The following DNAH9 variants were observed in gnomAD, a reference collection of about 807,000 sequenced individuals.
The protein encoded by DNAH9 is dynein axonemal heavy chain 9, also known as DNAH9 variant protein.
In DNAH9, 345 loss-of-function variants were observed where a neutral mutation model predicts 471.6. That is an observed-to-expected ratio of 0.73 (90% CI 0.67 to 0.80). DNAH9 has a LOEUF of 0.80. Among genes scored for constraint, DNAH9 ranks in the 30% least tolerant of loss-of-function variants. The pLI, the probability that DNAH9 is intolerant of heterozygous loss-of-function variation, is 0.00. For synonymous variants in DNAH9, 2,093 were observed against 2,123.6 expected, an observed-to-expected ratio of 0.99 and a Z score of 0.40; for missense variants, 5,407 against 5,609.2, an observed-to-expected ratio of 0.96 and a Z score of 1.15.
At chr17:11,946,552 C>T (rs373455737) in intron 67 of DNAH9, among the ~76,000 whole-genome samples, 2 of 148,000 alleles carry the variant, frequency 1.4e-5, no homozygotes, top group Non-Finnish European at 3.0e-5. Context: ...TAGTCCCAGC[C>T]ACTCGGGAGG....
At chr17:11,608,671 G>C (rs2072561137) in intron 2 of DNAH9, among the ~76,000 whole-genome samples, 1 of 152,144 alleles carries the variant, frequency 6.6e-6, no homozygotes, top group African/African-American at 2.4e-5. Flanking sequence ...GTCCAGTCTG[G>C]GAGGCAGGCA....
chr17:11,790,665 TATA>T (rs979227964), intron 41 of DNAH9, among the ~76,000 whole-genome samples: 7 of 152,022 alleles, frequency 4.6e-5, no homozygotes, highest in East Asian at 1.9e-4. Context: ...TGTTATTTTA[TATA>T]ATAATATATT....
chr17:11,796,219 C>A (rs951102491), intron 42 of DNAH9, among the ~76,000 whole-genome samples: 1 of 152,172 alleles, frequency 6.6e-6, no homozygotes, highest in Non-Finnish European at 1.5e-5. Flanking sequence ...AGAACTGATT[C>A]CCAGGACATT....
In DNAH9 at chr17:11,875,068, C is replaced by T; in HGVS notation, c.10362C>T (p.Thr3454=). 6.2e-7 allele frequency: 1 copy of T among 1,614,126 alleles called. No individual in the cohort carries two copies. Among genetic ancestry groups the T allele is most frequent in the Non-Finnish European group, 8.5e-7 (1 of 1,180,024 alleles). ...PADRMSVENA[T]ILINCERWPL... is the part of the protein sequence containing the mutation. ...ACCGCATGTCCGTGGAGAATGCCAC[C>T]ATTCTCATCAACTGTGAGCGCTGGC... The change falls in exon 53 of 69, where the codon ACC becomes ACT. Residue 3454 remains threonine (T), a synonymous_variant. Transcript: ENST00000262442.
chr17:11,606,768 A>G (rs1406287639), intron 1 of DNAH9, among the ~76,000 whole-genome samples: 1 of 152,104 alleles, frequency 6.6e-6, no homozygotes, highest in Non-Finnish European at 1.5e-5. Flanking sequence ...AAAGTTCAAG[A>G]GCAGCTTGAT....
At chr17:11,746,266 G>A (rs1411055372) in intron 31 of DNAH9, among the ~76,000 whole-genome samples, 1 of 152,176 alleles carries the variant, frequency 6.6e-6, no homozygotes, top group Non-Finnish European at 1.5e-5. Context: ...GGCAGAAGGT[G>A]AAGGAGAAGC....
intron 38 of DNAH9, among the ~76,000 whole-genome samples, chr17:11,770,231 G>A (rs2150879305): frequency 6.6e-6 from 1 of 152,324 alleles, no homozygotes; most frequent in East Asian, 1.9e-4. Flanking sequence ...TAGGCCAGCA[G>A]ACTTGCAAAG....
At chr17:11,824,515 C>T (rs1970420709) in intron 48 of DNAH9, among the ~76,000 whole-genome samples, 1 of 152,044 alleles carries the variant, frequency 6.6e-6, no homozygotes, top group African/African-American at 2.4e-5. Context: ...GGATGGGGTC[C>T]CTGTGCCCCA....
At chr17:11,776,236 G>A (rs1968426820) in intron 38 of DNAH9, among the ~76,000 whole-genome samples, 1 of 151,974 alleles carries the variant, frequency 6.6e-6, no homozygotes, top group South Asian at 2.1e-4. Flanking sequence ...TCTGAAGGTG[G>A]GCAGTTGCTA....
Position 11,636,775 on chromosome 17 carries a change from G to A in DNAH9, c.1777G>A (p.Ala593Thr). ...MIYSQHVQEE[A>T]ELGFSPVHKN... ...CTACAGTCAGCACGTCCAGGAGGAA[G>A]CAGAACTTGGTAGGCTTGTTAAAGG... Residue 593 changes from alanine to threonine, a missense_variant, in exon 9 of 69, where the codon GCA becomes ACA. By Grantham distance (58) the Ala-to-Thr change is moderately conservative (BLOSUM62 0). Transcript: ENST00000262442. 1.2e-6 allele frequency: 2 copies of A among 1,614,020 alleles called. No individual in the cohort carries two copies. Among genetic ancestry groups the A allele is most frequent in the Non-Finnish European group, 1.7e-6 (2 of 1,179,924 alleles).
rs763937951 is a variant in DNAH9, at chr17:11,834,818, CAGA to C, written c.9430_9432del (p.Lys3144del). On this transcript the variant is annotated inframe_deletion, in exon 49 of 69. Transcript: ENST00000262442. ...CATCATGCTAGAGGTGAAACAGAAG[CAGA>C]AGGACTGTGAGGAGGACCTGGCAAA... 2.5e-6 allele frequency: 4 copies of C among 1,614,070 alleles called. No individual in the cohort carries two copies. The highest frequency in any genetic ancestry group is 3.3e-5 in the Admixed American group (2 of 60,004).
At chr17:11,661,408 TG>T (rs1450598506) in intron 14 of DNAH9, among the ~76,000 whole-genome samples, 3 of 152,212 alleles carry the variant, frequency 2.0e-5, no homozygotes, top group African/African-American at 7.2e-5. Flanking sequence ...ATGCATAGAC[TG>T]TTTACATTTA....
intron 48 of DNAH9, among the ~76,000 whole-genome samples, chr17:11,826,359 G>A (rs1970488890): frequency 2.6e-5 from 1 of 38,562 alleles, no homozygotes; most frequent in African/African-American, 5.5e-5. Context: ...GCCGGAAGCT[G>A]GGGGGGTAAT....
At chr17:11,936,827 T>C (rs933774068) in intron 65 of DNAH9, among the ~76,000 whole-genome samples, 6 of 152,204 alleles carry the variant, frequency 3.9e-5, no homozygotes, top group Non-Finnish European at 5.9e-5. Flanking sequence ...ACTCTCCAGT[T>C]CGCAGCCAAT....
At chr17:11,774,332 C>T (rs903574479) in intron 38 of DNAH9, among the ~76,000 whole-genome samples, 1 of 145,742 alleles carries the variant, frequency 6.9e-6, no homozygotes, top group Non-Finnish European at 1.5e-5. Flanking sequence ...CATACTATAC[C>T]TTTCTTTGGC....
At chr17:11,915,918 A>G (rs530452842) in intron 61 of DNAH9, among the ~76,000 whole-genome samples, 1 of 152,304 alleles carries the variant, frequency 6.6e-6, no homozygotes, top group East Asian at 1.9e-4. Context: ...AACATCCTTG[A>G]TGACCATGTC....
At chr17:11,901,092 C>T (rs1433911911) in intron 59 of DNAH9, among the ~76,000 whole-genome samples, 1 of 152,064 alleles carries the variant, frequency 6.6e-6, no homozygotes, top group African/African-American at 2.4e-5. Context: ...TTGAGAGTGC[C>T]AGAAAAGGAG....
At chr17:11,827,423 G>A (rs2150946825) in intron 48 of DNAH9, among the ~76,000 whole-genome samples, 1 of 152,296 alleles carries the variant, frequency 6.6e-6, no homozygotes, top group African/African-American at 2.4e-5. Context: ...CTCACATGGT[G>A]AGAATGTGAG....
intron 14 of DNAH9, among the ~76,000 whole-genome samples, chr17:11,657,453 T>C (rs1043290231): frequency 2.0e-5 from 3 of 152,158 alleles, no homozygotes; most frequent in African/African-American, 7.2e-5. Flanking sequence ...TGGTTACACA[T>C]CTTTTGACAG....
Sources: gnomAD v4.1 joint callset for allele counts (sites outside exome capture counted in the v4.1 genomes callset) on GRCh38, gnomAD v4.1.1 for gene constraint, MANE v1.5 for transcripts, NCBI Gene and HGNC (gene_info 2026-07-23, HGNC 2026-07-21) for gene names.